The following MTARC1 variants were observed in gnomAD, a reference collection of about 807,000 sequenced individuals.
MTARC1 encodes the protein mitochondrial amidoxime reducing component 1.
MTARC1 carries 24 observed loss-of-function variants against 33.6 expected under a neutral mutation model. The ratio of observed to expected loss-of-function variants is 0.72; its 90% CI spans 0.52 to 1.01. MTARC1 has a LOEUF of 1.01. MTARC1 is among the 50% of genes least tolerant of loss of function. The pLI is 0.00. For synonymous variants in MTARC1, 187 were observed against 189.5 expected (o/e 0.99, Z 0.11); for missense variants, 417 against 445.7 (o/e 0.94, Z 0.58).
chr1:220,812,678 C>T (rs1171782058), intron 6 of MTARC1, among the ~76,000 whole-genome samples: 1 of 151,800 alleles, frequency 6.6e-6, no homozygotes, highest in Non-Finnish European at 1.5e-5. Context: ...AGGAAAGATG[C>T]CTAGGGCAAA....
intron 6 of MTARC1, among the ~76,000 whole-genome samples, chr1:220,809,885 T>C (rs962608835): frequency 2.0e-4 from 31 of 152,238 alleles, no homozygotes; most frequent in Middle Eastern, 3.4e-3. Flanking sequence ...TGAACGCCAG[T>C]GGTGGGATCG....
At position 220,813,213 on chromosome 1, in the gene MTARC1, G is replaced by C. The variant is rs1387429428; in HGVS notation, c.888-79G>C. On this transcript the variant is annotated intron_variant, in intron 6 of 6. Transcript: ENST00000366910. Reference sequence around the variant, plus strand: ...CTCGAGCTGTGCGTGCGGAGGCCCTGTGTGGGATGGAAGCCACGTGCTGGT... The same window carrying C: ...CTCGAGCTGTGCGTGCGGAGGCCCTCTGTGGGATGGAAGCCACGTGCTGGT... The C allele has an allele frequency of 6.3e-6, 10 of 1,599,516 alleles. No individual in the cohort carries two copies. The African/African-American group carries it at 8.0e-5, about 13-fold the overall frequency.
intron 6 of MTARC1, chr1:220,808,788 C>T (rs1673044080): frequency 1.5e-5 from 7 of 469,980 alleles, no homozygotes; most frequent in South Asian, 9.3e-5. Context: ...ATGCTCACAG[C>T]GGGAGGCACA....
At chr1:220,812,128 G>C (rs1673150745) in intron 6 of MTARC1, among the ~76,000 whole-genome samples, 1 of 152,196 alleles carries the variant, frequency 6.6e-6, no homozygotes, top group South Asian at 2.1e-4. Context: ...TAAAGCATGG[G>C]GACCTGGAGG....
chr1:220,799,091 T>C, intron 4 of MTARC1: 1 of 985,450 alleles, frequency 1.0e-6, no homozygotes, highest in Admixed American at 6.1e-5. Flanking sequence ...TAGGGTTACC[T>C]TAAGGGTCTG....
chr1:220,809,929 C>G (rs1571682520), intron 6 of MTARC1, among the ~76,000 whole-genome samples: 1 of 152,200 alleles, frequency 6.6e-6, no homozygotes, highest in East Asian at 1.9e-4. Context: ...GGAGTCATGG[C>G]CTGGACGTTG....
intron 2 of MTARC1, 61 bp from the exon 3 acceptor site, chr1:220,796,582 C>T (rs6671579): frequency 7.4e-6 from 11 of 1,481,746 alleles, no homozygotes; most frequent in Non-Finnish European, 9.8e-6. Flanking sequence ...ATAGCTGGCA[C>T]ATATTAGGGT....
At chr1:220,809,793 GTTTAATTC>G (rs1316230576) in intron 6 of MTARC1, among the ~76,000 whole-genome samples, 1 of 152,214 alleles carries the variant, frequency 6.6e-6, no homozygotes, top group Non-Finnish European at 1.5e-5. Context: ...TAACAATGCT[GTTTAATTC>G]TTAACCTGGC....
chr1:220,791,321 C>T (rs1402756082), intron 1 of MTARC1, among the ~76,000 whole-genome samples, 170 bp from the exon 2 acceptor site: 1 of 152,078 alleles, frequency 6.6e-6, no homozygotes, highest in Non-Finnish European at 1.5e-5. Flanking sequence ...GTGACAGACT[C>T]AGTCCTGTGT....
At chr1:220,803,121 A>G (rs527577850) in intron 4 of MTARC1, among the ~76,000 whole-genome samples, 2 of 152,288 alleles carry the variant, frequency 1.3e-5, no homozygotes, top group East Asian at 3.9e-4. Flanking sequence ...GGCTTAATGG[A>G]CTCACAGTTC....
At position 220,802,387 on chromosome 1, in the gene MTARC1, G is replaced by A. The variant is rs72472323; in HGVS notation, c.754-2665G>A. Among the ~76,000 whole-genome samples the A allele has an allele frequency of 1.6e-4, 24 of 152,214 alleles. No homozygotes were observed. The East Asian group carries it at 2.3e-3, about 15-fold the overall frequency. On this transcript the variant is annotated intron_variant, in intron 4 of 6. Coordinates refer to ENST00000366910, the MANE Select transcript of MTARC1 (RefSeq NM_022746.4). ...TGCTCTGTCACCTAGGCCAGAGTGC[G>A]CTGGCATGATCTCAGCTCACTGCAA... is the stretch of plus-strand genomic sequence containing the variant.
Position 220,815,750 on chromosome 1 carries a change from G to A in MTARC1, c.*2332G>A, listed in dbSNP as rs1012816663. 6.6e-6 allele frequency: 1 copy of A among 152,182 alleles called. No homozygotes were observed. 9.4% of individuals were successfully genotyped at this position (152,182 alleles called of 1,614,324 possible). The stretch of plus-strand genomic sequence containing the variant: ...CTTGAAATATAGAATCAGGAATGTA[G>A]GCCATCCCAGACTTTCAGATCTTAC... On this transcript the variant is annotated 3_prime_UTR_variant, in exon 7 of 7. Transcript: ENST00000366910.
At position 220,796,683 on chromosome 1, in the gene MTARC1, G is replaced by A. The variant is rs779576139; in HGVS notation, c.490G>A (p.Ala164Thr). The A allele has an allele frequency of 6.2e-7, 1 of 1,611,700 alleles. No homozygotes were observed. The highest frequency in any genetic ancestry group is 8.5e-7 in the Non-Finnish European group (1 of 1,179,046). Reference sequence around the variant, plus strand: ...GATAGAGGGCAGGGACTGTGGCGAGGCCACCGCCCAGTGGATAACCAGCTT... The same window carrying A: ...GATAGAGGGCAGGGACTGTGGCGAGACCACCGCCCAGTGGATAACCAGCTT... ...LEIEGRDCGE[A>T]TAQWITSFLK... Residue 164 changes from alanine to threonine, a missense_variant, in exon 3 of 7, where the codon GCC becomes ACC. Coordinates refer to ENST00000366910, the MANE Select transcript of MTARC1 (RefSeq NM_022746.4).
chr1:220,787,184 G>A lies in MTARC1; in HGVS notation c.240G>A (p.Thr80=), dbSNP rs761420485. ...KGVPVSEAEC[T]AMGLRSGNLR... ...TGCCGGTGAGCGAGGCGGAGTGCAC[G>A]GCCATGGGGCTGCGCAGCGGCAACC... Residue 80 remains threonine, a synonymous_variant, in exon 1 of 7, where the codon ACG becomes ACA. Transcript: ENST00000366910. 3.2e-6 allele frequency: 5 copies of A among 1,579,472 alleles called. No individual in the cohort carries two copies. Among genetic ancestry groups the A allele is most frequent in the Non-Finnish European group, 4.3e-6 (5 of 1,163,782 alleles).
At chr1:220,806,739 T>A (rs926093505) in intron 6 of MTARC1, among the ~76,000 whole-genome samples, 3 of 152,192 alleles carry the variant, frequency 2.0e-5, no homozygotes, top group African/African-American at 4.8e-5. Context: ...GCCTGACCTC[T>A]CTGGCCAGCA....
Position 220,813,353 on chromosome 1 carries a change from T to C in MTARC1, c.949T>C (p.Tyr317His). 6.2e-7 allele frequency: 1 copy of C among 1,614,162 alleles called. No homozygotes were observed. The highest frequency in any genetic ancestry group is 8.5e-7 in the Non-Finnish European group (1 of 1,180,034). ...LYGKSPLFGQ[Y>H]FVLENPGTIK... ...TGGAAAATCACCACTCTTTGGGCAG[T>C]ATTTTGTGCTGGAAAACCCAGGGAC... Residue 317 changes from tyrosine (Y) to histidine (H), a missense_variant, in exon 7 of 7, where the codon TAT becomes CAT. Physicochemically the swap from Tyr to His is moderately conservative, Grantham distance 83 (BLOSUM62 2). Coordinates refer to ENST00000366910, the MANE Select transcript of MTARC1 (RefSeq NM_022746.4).
At chr1:220,791,442 G>A in intron 1 of MTARC1, 49 bp from the exon 2 acceptor site, 1 of 1,587,412 alleles carries the variant, frequency 6.3e-7, no homozygotes, top group South Asian at 1.1e-5. Context: ...CCAGGGTCTG[G>A]CTTCCTGCCA....
chr1:220,808,818 C>T (rs1673044721), intron 6 of MTARC1: 2 of 470,978 alleles, frequency 4.2e-6, no homozygotes, highest in South Asian at 3.1e-5. Flanking sequence ...TGTCTGCTAA[C>T]AGGAAGATAT....
At chr1:220,811,824 G>A (rs961031184) in intron 6 of MTARC1, among the ~76,000 whole-genome samples, 8 of 152,108 alleles carry the variant, frequency 5.3e-5, no homozygotes, top group African/African-American at 1.2e-4. Flanking sequence ...TCTGACAGAC[G>A]GTTTTACTCA....
Sources: gnomAD v4.1 joint callset for allele counts (sites outside exome capture counted in the v4.1 genomes callset) on GRCh38, gnomAD v4.1.1 for gene constraint, MANE v1.5 for transcripts, NCBI Gene and HGNC (gene_info 2026-07-23, HGNC 2026-07-21) for gene names.